The following TUBD1 variants were observed in gnomAD, a reference collection of about 807,000 sequenced individuals.
TUBD1 encodes the protein tubulin delta chain.
In TUBD1, 38 loss-of-function variants were observed where a neutral mutation model predicts 51.2. That is an observed-to-expected ratio of 0.74 (90% confidence interval 0.57 to 0.97). The LOEUF is 0.97. Among genes scored for constraint, TUBD1 ranks in the 50% least tolerant of loss-of-function variants. The pLI, the probability that TUBD1 is intolerant of heterozygous loss-of-function variation, is 0.00. For missense variants in TUBD1, 489 were observed against 538.4 expected (o/e 0.91, Z 0.91); for synonymous variants, 169 against 178.2 (o/e 0.95, Z 0.41).
intron 8 of TUBD1, among the ~76,000 whole-genome samples, chr17:59,861,962 A>G (rs973401224): frequency 1.3e-5 from 2 of 150,754 alleles, no homozygotes; most frequent in African/African-American, 2.4e-5. Flanking sequence ...CACTGCACCC[A>G]GCCTGAGTGG....
intron 6 of TUBD1, among the ~76,000 whole-genome samples, chr17:59,873,182 T>C (rs1033452249): frequency 1.3e-5 from 2 of 152,090 alleles, no homozygotes; most frequent in South Asian, 2.1e-4. Context: ...ATCTGTGTAA[T>C]GGGGAGGTGT....
Position 59,878,198 on chromosome 17 carries a change from C to G in TUBD1, c.674G>C (p.Ser225Thr). 6.2e-7 allele frequency: 1 copy of G among 1,614,108 alleles called. No individual in the cohort carries two copies. Reference sequence around the variant, plus strand: ...ATGTGCGAGGACTTGATTGATATCACTAAAGGAGATCTGCTTGATATTCAT... The same window carrying G: ...ATGTGCGAGGACTTGATTGATATCAGTAAAGGAGATCTGCTTGATATTCAT... ...KLMNIKQISFSDINQVLAHQL... is the reference protein window; with the variant it reads ...KLMNIKQISFTDINQVLAHQL... Residue 225 changes from serine to threonine, a missense_variant, in exon 5 of 9, where the codon AGT becomes ACT. Transcript: ENST00000325752.
At chr17:59,885,993 G>A in intron 3 of TUBD1, 90 bp downstream of exon 3, 1 of 1,341,920 alleles carries the variant, frequency 7.5e-7, no homozygotes, top group Non-Finnish European at 1.0e-6. Flanking sequence ...TTATGTGCTT[G>A]GTATATCAAC....
intron 8 of TUBD1, among the ~76,000 whole-genome samples, chr17:59,862,343 ATAGT>A (rs1402089252): frequency 6.6e-6 from 1 of 151,540 alleles, no homozygotes; most frequent in African/African-American, 2.4e-5. Flanking sequence ...AAAGAAAAAG[ATAGT>A]TAGAAGCCTT....
At chr17:59,872,845 T>C (rs1339373439) in intron 6 of TUBD1, among the ~76,000 whole-genome samples, 1 of 151,690 alleles carries the variant, frequency 6.6e-6, no homozygotes, top group African/African-American at 2.4e-5. Flanking sequence ...TAGCTCACTG[T>C]AACCTCTGCC....
chr17:59,860,959 GGAAA>G (rs1264183327), intron 8 of TUBD1, among the ~76,000 whole-genome samples: 1 of 151,720 alleles, frequency 6.6e-6, no homozygotes, highest in Non-Finnish European at 1.5e-5. Flanking sequence ...GAGGCACCCG[GGAAA>G]GAGCAGCATG....
Position 59,862,794 on chromosome 17 carries a change from G to A in TUBD1, c.1259+870C>T, listed in dbSNP as rs941792448. Among the ~76,000 whole-genome samples the A allele has an allele frequency of 1.5e-3, 205 of 139,780 alleles. 1 individual carries two copies. The highest frequency in any genetic ancestry group is 5.4e-3 in the African/African-American group (196 of 36,572). 91.7% of individuals were successfully genotyped at this position (139,780 alleles called of 152,430 possible). A position where few individuals can be genotyped will look rare whatever the true frequency, so the allele number is the denominator to read the frequency against. On this transcript the variant is annotated intron_variant, in intron 8 of 8. Transcript: ENST00000325752. ...GGCTGGAGTGCAGTGGCGCGATCTC[G>A]GCTCACTGCAAGCTCCGCCTCCCGG...
intron 3 of TUBD1, chr17:59,885,429 G>A: frequency 1.6e-6 from 2 of 1,278,100 alleles, no homozygotes; most frequent in Non-Finnish European, 1.1e-6. Flanking sequence ...TCATGTTCTG[G>A]GTGGGGGATA....
At chr17:59,892,020 CTGAT>C (rs1263240733) in intron 1 of TUBD1, 2 of 151,846 alleles carry the variant, frequency 1.3e-5, no homozygotes, top group African/African-American at 4.8e-5. Flanking sequence ...AAAACAAATG[CTGAT>C]TGAAGAAATT....
chr17:59,879,215 C>A (rs1036841008), intron 4 of TUBD1, among the ~76,000 whole-genome samples: 2 of 149,524 alleles, frequency 1.3e-5, no homozygotes, highest in Non-Finnish European at 3.0e-5. Context: ...TTGCGGTGAG[C>A]CAAGATCGTG....
rs1449070710 is a variant in TUBD1 at position 59,859,950 on chromosome 17, T to TAGTATGCAGA, written c.*362_*371dup. 6.5e-6 allele frequency: 1 copy of TAGTATGCAGA among 154,300 alleles called. No individual in the cohort carries two copies. The highest frequency in any genetic ancestry group is 2.4e-5 in the African/African-American group (1 of 41,478). 9.6% of individuals were successfully genotyped at this position (154,300 alleles called of 1,614,324 possible). A position where few individuals can be genotyped will look rare whatever the true frequency, so the allele number is the denominator to read the frequency against. On this transcript the variant is annotated 3_prime_UTR_variant, in exon 9 of 9. Coordinates refer to ENST00000325752, the MANE Select transcript of TUBD1 (RefSeq NM_016261.4). Reference sequence around the variant, plus strand: ...AAGTTTTCTTCCTTTTCTGTGGGCATAGTATGCAGAATAGACTCAGCATTC... The same window carrying TAGTATGCAGA: ...AAGTTTTCTTCCTTTTCTGTGGGCATAGTATGCAGAAGTATGCAGAATAGACTCAGCATTC...
chr17:59,875,709 G>A (rs1291522666), intron 5 of TUBD1, among the ~76,000 whole-genome samples: 2 of 150,084 alleles, frequency 1.3e-5, no homozygotes, highest in South Asian at 2.1e-4. Context: ...GCAGTGCATC[G>A]CACTCCAGCC....
chr17:59,884,745 T>C (rs183756455), intron 3 of TUBD1: 356 of 153,230 alleles, frequency 2.3e-3, no homozygotes, highest in Admixed American at 3.5e-3. Flanking sequence ...ACATGCTGAA[T>C]CCTTGTCTCT....
intron 3 of TUBD1, 95 bp downstream of exon 3, chr17:59,885,988 T>C: frequency 7.5e-7 from 1 of 1,329,076 alleles, no homozygotes; most frequent in Non-Finnish European, 1.0e-6. Flanking sequence ...CAAGATTATG[T>C]GCTTGGTATA....
Position 59,860,320 on chromosome 17 carries a change from G to A in TUBD1, c.*2C>T. The A allele has an allele frequency of 6.3e-7, 1 of 1,593,456 alleles. No homozygotes were observed. Among genetic ancestry groups the A allele is most frequent in the Non-Finnish European group, 8.6e-7 (1 of 1,165,062 alleles). On this transcript the variant is annotated 3_prime_UTR_variant, in exon 9 of 9. Coordinates refer to ENST00000325752, the MANE Select transcript of TUBD1 (RefSeq NM_016261.4). ...AAGGTATACTTTTCCCATTGTTCAA[G>A]ATCAGAGATTACAGTAACTGGCAAC...
chr17:59,878,208 TCTG>T lies in TUBD1; in HGVS notation c.661_663del (p.Gln221del). 3.7e-6 allele frequency: 6 copies of T among 1,614,130 alleles called. No individual in the cohort carries two copies. Among genetic ancestry groups the T allele is most frequent in the Non-Finnish European group, 5.1e-6 (6 of 1,180,020 alleles). Reference sequence around the variant, plus strand: ...ACTTGATTGATATCACTAAAGGAGATCTGCTTGATATTCATCAGTTTTGCACAG... The same window carrying T: ...ACTTGATTGATATCACTAAAGGAGATCTTGATATTCATCAGTTTTGCACAG... On this transcript the variant is annotated inframe_deletion, in exon 5 of 9. Transcript: ENST00000325752.
intron 5 of TUBD1, among the ~76,000 whole-genome samples, chr17:59,877,357 T>G (rs1291556943): frequency 6.6e-6 from 1 of 152,166 alleles, no homozygotes; most frequent in East Asian, 1.9e-4. Context: ...CCAAACACAA[T>G]GCTGACGCGC....
intron 2 of TUBD1, among the ~76,000 whole-genome samples, chr17:59,888,815 G>A (rs2040851813): frequency 6.6e-6 from 1 of 151,458 alleles, no homozygotes; most frequent in Admixed American, 6.6e-5. Context: ...GGGTTCAAGC[G>A]ATTCTCCTGC....
At chr17:59,886,022 C>T (rs966467014) in intron 3 of TUBD1, 61 bp downstream of exon 3, 91 of 1,554,522 alleles carry the variant, frequency 5.9e-5, no homozygotes, top group Admixed American at 3.4e-4. Context: ...TCTAACTTTG[C>T]TATCTATTAA....
Sources: allele counts gnomAD v4.1 joint callset (sites outside exome capture counted in the v4.1 genomes callset), GRCh38; gene constraint gnomAD v4.1.1; transcripts MANE v1.5; gene names NCBI Gene and HGNC (gene_info 2026-07-23, HGNC 2026-07-21).